Variants in ASAP1 observed in about 807,000 individuals in gnomAD.
ASAP1 encodes arf-GAP with SH3 domain, ANK repeat and PH domain-containing protein 1.
A neutral mutation model predicts 145.2 loss-of-function variants in ASAP1; 43 were observed. The ratio of observed to expected loss-of-function variants is 0.30; its 90% CI spans 0.23 to 0.38. ASAP1 has a LOEUF of 0.38. ASAP1 is among the 10% of genes least tolerant of loss of function. ASAP1 has a pLI of 1.00. For missense variants in ASAP1, 1,018 were observed against 1,355.3 expected (o/e 0.75, Z 3.91); for synonymous variants, 546 against 515.5 (o/e 1.06, Z -0.80).
chr8:130,107,251 C>T (rs900623801), intron 24 of ASAP1, among the ~76,000 whole-genome samples: 21 of 143,568 alleles, frequency 1.5e-4, no homozygotes, highest in Non-Finnish European at 9.0e-5. Flanking sequence ...GGCACAATCT[C>T]GGCTCACTGC....
At chr8:130,329,285 C>T (rs916161980) in intron 3 of ASAP1, among the ~76,000 whole-genome samples, 4 of 152,222 alleles carry the variant, frequency 2.6e-5, no homozygotes, top group Admixed American at 6.5e-5. Context: ...AACATGGCAT[C>T]CAGTTGTGGA....
At chr8:130,069,924 G>A (rs2097438846) in intron 27 of ASAP1, among the ~76,000 whole-genome samples, 1 of 152,208 alleles carries the variant, frequency 6.6e-6, no homozygotes, top group African/African-American at 2.4e-5. Context: ...GCAAGAGAGA[G>A]TAAAATGGTC....
intron 3 of ASAP1, among the ~76,000 whole-genome samples, chr8:130,281,375 T>C (rs1179703282): frequency 3.9e-5 from 6 of 152,220 alleles, no homozygotes; most frequent in Non-Finnish European, 8.8e-5. Flanking sequence ...ATTTTGTCCA[T>C]AAAGACTGAC....
At chr8:130,157,613 G>C (rs1002818048) in intron 12 of ASAP1, among the ~76,000 whole-genome samples, 42 of 152,034 alleles carry the variant, frequency 2.8e-4, no homozygotes, top group African/African-American at 1.0e-3. Flanking sequence ...CCCACCTCAC[G>C]GAGTGGTTCC....
At chr8:130,347,171 G>C (rs1391247382) in intron 3 of ASAP1, among the ~76,000 whole-genome samples, 1 of 152,206 alleles carries the variant, frequency 6.6e-6, no homozygotes, top group Non-Finnish European at 1.5e-5. Context: ...GATTATTCAA[G>C]GAGCACCATG....
chr8:130,365,917 G>A (rs1318500153), intron 2 of ASAP1, among the ~76,000 whole-genome samples: 2 of 152,268 alleles, frequency 1.3e-5, no homozygotes, highest in Non-Finnish European at 2.9e-5. Context: ...AAGTGATCCC[G>A]GTTTTTAGAG....
At chr8:130,404,605 T>A (rs1328330516) in intron 1 of ASAP1, among the ~76,000 whole-genome samples, 2 of 152,260 alleles carry the variant, frequency 1.3e-5, no homozygotes, top group Non-Finnish European at 2.9e-5. Context: ...TCTTTTGCTT[T>A]CCTTGCTTCA....
At chr8:130,089,587 T>C (rs1186378526) in intron 25 of ASAP1, among the ~76,000 whole-genome samples, 1 of 152,208 alleles carries the variant, frequency 6.6e-6, no homozygotes, top group Non-Finnish European at 1.5e-5. Context: ...GCTGATGACC[T>C]GTCTGGGCCC....
At chr8:130,102,072 T>A (rs1364815580) in intron 24 of ASAP1, among the ~76,000 whole-genome samples, 1 of 152,146 alleles carries the variant, frequency 6.6e-6, no homozygotes, top group African/African-American at 2.4e-5. Context: ...CTTTTCCAGT[T>A]TGGATGCCCT....
chr8:130,102,834 T>A (rs1040691090), intron 24 of ASAP1, among the ~76,000 whole-genome samples: 1 of 152,078 alleles, frequency 6.6e-6, no homozygotes, highest in African/African-American at 2.4e-5. Flanking sequence ...CACAGGTAGG[T>A]ACCACCGTGC....
rs776837962 is a variant in ASAP1 at position 130,116,754 on chromosome 8, G to C, written c.1997-9C>G. 6.2e-7 allele frequency: 1 copy of C among 1,613,282 alleles called. No individual in the cohort carries two copies. Among genetic ancestry groups the C allele is most frequent in the East Asian group, 2.2e-5 (1 of 44,850 alleles). On this transcript the variant is annotated splice_polypyrimidine_tract_variant and intron_variant, in intron 21 of 29. Coordinates refer to ENST00000518721, the MANE Select transcript of ASAP1 (RefSeq NM_018482.4). ...TTCTCCAGCCTGGTTAACTGAAATA[G>C]GAAAAAAATTAATTTGCATAATTAT...
intron 13 of ASAP1, among the ~76,000 whole-genome samples, chr8:130,150,912 T>G (rs1039541099): frequency 6.6e-6 from 1 of 151,958 alleles, no homozygotes; most frequent in Non-Finnish European, 1.5e-5. Flanking sequence ...GGTAACTGAC[T>G]AAAAACTCAC....
intron 5 of ASAP1, among the ~76,000 whole-genome samples, chr8:130,209,541 C>T (rs1365629512): frequency 1.4e-5 from 2 of 139,690 alleles, no homozygotes; most frequent in East Asian, 4.5e-4. Flanking sequence ...CATGGTCTTG[C>T]TCTTACAGTA....
intron 3 of ASAP1, among the ~76,000 whole-genome samples, chr8:130,288,968 C>T (rs755160623): frequency 3.9e-5 from 6 of 152,190 alleles, no homozygotes; most frequent in Admixed American, 1.3e-4. Flanking sequence ...AGGTGGATCA[C>T]GAGGTCGGGA....
chr8:130,115,756 G>C, intron 22 of ASAP1, 21 bp from the exon 23 acceptor site: 3 of 1,532,610 alleles, frequency 2.0e-6, no homozygotes, highest in Non-Finnish European at 2.7e-6. Context: ...CAGCAAATGT[G>C]CACCATTTTA....
intron 24 of ASAP1, among the ~76,000 whole-genome samples, chr8:130,097,928 T>G (rs977250254): frequency 2.6e-5 from 4 of 152,198 alleles, no homozygotes; most frequent in Non-Finnish European, 5.9e-5. Context: ...CATTCACTTA[T>G]ACCTAAATAG....
At chr8:130,090,156 A>C (rs965421047) in intron 25 of ASAP1, among the ~76,000 whole-genome samples, 8 of 152,232 alleles carry the variant, frequency 5.3e-5, no homozygotes, top group Non-Finnish European at 7.3e-5. Context: ...AGTGATGTGA[A>C]AATCTAAAAA....
At chr8:130,268,027 A>T (rs560315203) in intron 3 of ASAP1, among the ~76,000 whole-genome samples, 1 of 152,218 alleles carries the variant, frequency 6.6e-6, no homozygotes, top group Non-Finnish European at 1.5e-5. Context: ...CACCCCAAGG[A>T]AATTGGTCAC....
At chr8:130,252,923 C>T (rs77180742) in intron 3 of ASAP1, among the ~76,000 whole-genome samples, 9,262 of 152,220 alleles carry the variant, frequency 0.061, 350 homozygotes, top group Non-Finnish European at 0.083. Context: ...TAAGAACTTA[C>T]AGGATCCTAC....
Sources: allele counts gnomAD v4.1 joint callset (sites outside exome capture counted in the v4.1 genomes callset), GRCh38; gene constraint gnomAD v4.1.1; transcripts MANE v1.5; gene names NCBI Gene and HGNC (gene_info 2026-07-23, HGNC 2026-07-21).